The following MCU variants were observed in gnomAD, a reference collection of about 807,000 sequenced individuals.
MCU encodes the protein mitochondrial calcium uniporter.
Under a neutral mutation model 45.2 loss-of-function variants are expected in MCU, and 12 were observed. That is an observed-to-expected ratio of 0.27 (90% CI 0.17 to 0.43). The LOEUF (loss-of-function observed/expected upper bound fraction) is 0.43, where lower values mean the gene tolerates loss of function less well. Among genes scored for constraint, MCU ranks in the 20% least tolerant of loss-of-function variants. The pLI is 1.00. For missense variants in MCU, 324 were observed against 436.7 expected, an observed-to-expected ratio of 0.74 and a Z score of 2.30; for synonymous variants, 160 against 165.1, an observed-to-expected ratio of 0.97 and a Z score of 0.24.
At chr10:72,724,514 C>T (rs1183334069) in intron 1 of MCU, among the ~76,000 whole-genome samples, 1 of 152,176 alleles carries the variant, frequency 6.6e-6, no homozygotes, top group African/African-American at 2.4e-5. Flanking sequence ...CCACCCCCTC[C>T]CCCACAAGTT....
At chr10:72,880,894 A>T (rs763689444) in intron 6 of MCU, among the ~76,000 whole-genome samples, 1 of 152,180 alleles carries the variant, frequency 6.6e-6, no homozygotes, top group Non-Finnish European at 1.5e-5. Flanking sequence ...TTGGGAGGCC[A>T]AGGTGGGAGA....
intron 1 of MCU, among the ~76,000 whole-genome samples, chr10:72,816,861 GTGATGAGGAA>G (rs1451406392): frequency 6.6e-6 from 1 of 152,184 alleles, no homozygotes; most frequent in Non-Finnish European, 1.5e-5. Flanking sequence ...TCATATAAGT[GTGATGAGGAA>G]TGGTAACATA....
intron 1 of MCU, among the ~76,000 whole-genome samples, chr10:72,805,101 C>CTCTCTCTTTCTTTCTT (rs1554824918): frequency 6.8e-5 from 7 of 103,398 alleles, no homozygotes; most frequent in East Asian, 2.9e-4. Context: ...TTCTTTCTTT[C>CTCTCTCTTTCTTTCTT]TCTTTCTTTC....
In MCU at chr10:72,752,347, C is replaced by T. The variant is rs540271406; in HGVS notation, c.150+60046C>T. On this transcript the variant is annotated intron_variant, in intron 1 of 7. Coordinates refer to ENST00000373053, the MANE Select transcript of MCU (RefSeq NM_138357.3). ...CTGGCCTCAAGTGATCTGCCTGCCT[C>T]GGCCTCCCAGTGTGCTGGGATTACA... 2.6e-5 allele frequency among the ~76,000 whole-genome samples: 4 copies of T among 151,596 alleles called. No individual in the cohort carries two copies. The South Asian group carries it at 6.3e-4, about 24-fold the overall frequency.
chr10:72,737,243 C>T (rs1589438033), intron 1 of MCU, among the ~76,000 whole-genome samples: 2 of 152,280 alleles, frequency 1.3e-5, no homozygotes, highest in South Asian at 2.1e-4. Context: ...ACAGAAGTCA[C>T]TAATGTTAAT....
At chr10:72,854,826 C>T (rs1845262977) in intron 2 of MCU, among the ~76,000 whole-genome samples, 1 of 152,186 alleles carries the variant, frequency 6.6e-6, no homozygotes, top group African/African-American at 2.4e-5. Context: ...TGCTTTTGCA[C>T]CACAGTAACA....
chr10:72,857,054 C>T (rs1326810420), intron 2 of MCU, among the ~76,000 whole-genome samples: 1 of 151,968 alleles, frequency 6.6e-6, no homozygotes. Context: ...TCAAGCAATC[C>T]TTCTGCCTCA....
In MCU at chr10:72,884,380, C is replaced by T; in HGVS notation, c.976C>T (p.Gln326Ter). Residue 326 changes from glutamine to a stop codon, truncating the protein, a stop_gained and splice_region_variant, in exon 7 of 8, where the codon CAG (glutamine) becomes TAG (stop). Transcript: ENST00000373053. LOFTEE classifies it high-confidence loss of function. ...KYNQLKDAIAQAEMDLKRLRD... is the reference protein window; with the variant it reads ...KYNQLKDAIA ...CAATCAACTCAAGGATGCAATTGCT[C>T]AGGTAAGTTTTACAAAAATTAAAAT... 1 of 1,576,894 alleles carries T rather than the reference C, an allele frequency of 6.3e-7. No homozygotes were observed. Among genetic ancestry groups the T allele is most frequent in the Non-Finnish European group, 8.7e-7 (1 of 1,147,098 alleles).
At chr10:72,869,164 A>G (rs193004215) in intron 5 of MCU, among the ~76,000 whole-genome samples, 1 of 152,382 alleles carries the variant, frequency 6.6e-6, no homozygotes, top group Non-Finnish European at 1.5e-5. Flanking sequence ...GCTCTTGAGT[A>G]TAGTGGATAA....
intron 1 of MCU, among the ~76,000 whole-genome samples, chr10:72,789,756 A>G (rs993309590): frequency 1.3e-5 from 2 of 152,198 alleles, no homozygotes; most frequent in African/African-American, 2.4e-5. Context: ...TCACCCAGGA[A>G]AAAGACTATC....
chr10:72,884,562 A>T (rs1291847600), intron 7 of MCU, 180 bp downstream of exon 7: 2 of 497,352 alleles, frequency 4.0e-6, no homozygotes, highest in African/African-American at 3.8e-5. Flanking sequence ...TTCTCTAGAA[A>T]GTTTTATAAA....
intron 1 of MCU, among the ~76,000 whole-genome samples, chr10:72,711,589 A>C (rs1842895066): frequency 6.6e-6 from 1 of 151,468 alleles, no homozygotes; most frequent in Admixed American, 6.6e-5. Context: ...TCATACTTAT[A>C]ATACCAGCAC....
intron 1 of MCU, among the ~76,000 whole-genome samples, chr10:72,805,157 T>TTCTG (rs1844422918): frequency 7.3e-6 from 1 of 137,914 alleles, no homozygotes; most frequent in African/African-American, 3.1e-5. Context: ...CTTTCTTTCT[T>TTCTG]TCTGTCTCTC....
At chr10:72,802,956 G>A (rs1200395441) in intron 1 of MCU, among the ~76,000 whole-genome samples, 1 of 152,110 alleles carries the variant, frequency 6.6e-6, no homozygotes, top group Non-Finnish European at 1.5e-5. Flanking sequence ...ATTAGATCGT[G>A]TACCAAAAGA....
intron 1 of MCU, among the ~76,000 whole-genome samples, chr10:72,785,269 A>G (rs982686170): frequency 2.0e-5 from 3 of 152,182 alleles, no homozygotes; most frequent in African/African-American, 7.2e-5. Context: ...TACCAAAGCT[A>G]CAACTTTGTT....
At chr10:72,741,026 A>G (rs924554959) in intron 1 of MCU, among the ~76,000 whole-genome samples, 3 of 151,644 alleles carry the variant, frequency 2.0e-5, no homozygotes, top group Admixed American at 6.6e-5. Flanking sequence ...CACAATTAAC[A>G]ATCTTTTTTT....
At chr10:72,715,941 C>G in intron 1 of MCU, 1 of 955,660 alleles carries the variant, frequency 1.0e-6, no homozygotes, top group Non-Finnish European at 1.2e-6. Flanking sequence ...TTTCTCCCTG[C>G]AAGCAAAACA....
At chr10:72,742,256 T>G (rs756998802) in intron 1 of MCU, among the ~76,000 whole-genome samples, 8 of 152,158 alleles carry the variant, frequency 5.3e-5, no homozygotes, top group Non-Finnish European at 1.2e-4. Context: ...TGTAGTAGGC[T>G]GTACCATCTC....
rs964948401 is a variant in MCU, at chr10:72,730,064, A to G, written c.150+37763A>G. 4.0e-5 allele frequency among the ~76,000 whole-genome samples: 6 copies of G among 149,486 alleles called. No individual in the cohort carries two copies. The South Asian group carries it at 1.3e-3, about 31-fold the overall frequency. The stretch of plus-strand genomic sequence containing the variant: ...AACCTCTGCCTCCGGAGTTCAAGCA[A>G]TTCTCCTGCCTCAGCCTCCCTAGTA... On this transcript the variant is annotated intron_variant, in intron 1 of 7. Transcript: ENST00000373053.
Sources: allele counts gnomAD v4.1 joint callset (sites outside exome capture counted in the v4.1 genomes callset), GRCh38; gene constraint gnomAD v4.1.1; transcripts MANE v1.5; gene names NCBI Gene and HGNC (gene_info 2026-07-23, HGNC 2026-07-21).